The following NDST4 variants were observed in gnomAD, a reference collection of about 807,000 sequenced individuals.
The protein encoded by NDST4 is N-deacetylase and N-sulfotransferase 4, also known as N-heparan sulfate sulfotransferase 4.
NDST4 carries 63 observed loss-of-function variants against 100.8 expected under a neutral mutation model. The observed-to-expected ratio is 0.62, with a 90% CI of 0.51 to 0.77. The LOEUF (loss-of-function observed/expected upper bound fraction) is 0.77, where lower values mean the gene tolerates loss of function less well. Ranked by LOEUF, NDST4 falls within the 30% of genes least tolerant of loss-of-function variation. NDST4 has a pLI of 0.00. For synonymous variants in NDST4, 377 were observed against 361.8 expected, an observed-to-expected ratio of 1.04 and a Z score of -0.48; for missense variants, 943 against 1,018.4, an observed-to-expected ratio of 0.93 and a Z score of 1.01.
chr4:114,909,793 C>T (rs1314088661), intron 6 of NDST4, among the ~76,000 whole-genome samples: 1 of 150,692 alleles, frequency 6.6e-6, no homozygotes, highest in Non-Finnish European at 1.5e-5. Context: ...TTAATAAAGA[C>T]AATTTTATGG....
intron 6 of NDST4, among the ~76,000 whole-genome samples, chr4:114,919,756 G>T (rs571454140): frequency 1.3e-5 from 2 of 152,166 alleles, no homozygotes; most frequent in Non-Finnish European, 2.9e-5. Context: ...AACTGCTCTA[G>T]GGATAATGGA....
intron 1 of NDST4, among the ~76,000 whole-genome samples, chr4:115,111,062 C>G (rs2110348266): frequency 6.6e-6 from 1 of 152,066 alleles, no homozygotes; most frequent in Admixed American, 6.6e-5. Flanking sequence ...ATGCTTCTCT[C>G]TTCTCCCTTA....
At chr4:114,914,057 A>G (rs1247611043) in intron 6 of NDST4, among the ~76,000 whole-genome samples, 1 of 151,974 alleles carries the variant, frequency 6.6e-6, no homozygotes, top group Non-Finnish European at 1.5e-5. Context: ...GGAGGTCATT[A>G]TGCTGAGTGA....
rs190031281 is a variant in NDST4 at position 115,097,448 on chromosome 4, G to A, written c.-247+15996C>T. ...TCTCTTTCTCTCTATCTCTATTGGG[G>A]CTGGCCATTGACTCCTCTCTTTCTT... On this transcript the variant is annotated intron_variant, in intron 1 of 13. Transcript: ENST00000264363. Among the ~76,000 whole-genome samples, 11 of 151,996 alleles carry A rather than the reference G, an allele frequency of 7.2e-5. No homozygotes were observed. In the East Asian group the frequency reaches 1.9e-3, roughly 27 times the overall value.
At position 115,093,428 on chromosome 4, in the gene NDST4, T is replaced by C. The variant is rs546768447; in HGVS notation, c.-246-16146A>G. Among the ~76,000 whole-genome samples the C allele has an allele frequency of 5.3e-5, 8 of 151,896 alleles. No individual in the cohort carries two copies. In the South Asian group the frequency reaches 1.5e-3, roughly 28 times the overall value. ...AGGCAGAGCTTGTAGTGAGCTGAGA[T>C]AGCGCCACTGCACTCCAGCCTGGGT... On this transcript the variant is annotated intron_variant, in intron 1 of 13. Transcript: ENST00000264363.
chr4:114,954,253 T>C (rs79639264), intron 4 of NDST4, among the ~76,000 whole-genome samples: 2 of 152,158 alleles, frequency 1.3e-5, no homozygotes, highest in African/African-American at 2.4e-5. Flanking sequence ...CCAGATATAA[T>C]AGATTCTTTT....
chr4:114,857,294 T>G (rs1014743586), intron 7 of NDST4, among the ~76,000 whole-genome samples: 1 of 152,188 alleles, frequency 6.6e-6, no homozygotes, highest in African/African-American at 2.4e-5. Context: ...GTCACTAATG[T>G]GATCAAGTGG....
chr4:115,001,325 G>C (rs1727284855), intron 2 of NDST4, among the ~76,000 whole-genome samples: 1 of 152,064 alleles, frequency 6.6e-6, no homozygotes, highest in African/African-American at 2.4e-5. Flanking sequence ...TCCTAGGTAT[G>C]TAATTATTCA....
At chr4:115,089,912 T>C (rs1241183836) in intron 1 of NDST4, among the ~76,000 whole-genome samples, 2 of 151,854 alleles carry the variant, frequency 1.3e-5, no homozygotes, top group African/African-American at 4.8e-5. Context: ...ATCTGGATTA[T>C]ATTAATATTG....
chr4:115,086,035 GCAC>G (rs1177161258), intron 1 of NDST4, among the ~76,000 whole-genome samples: 1 of 152,116 alleles, frequency 6.6e-6, no homozygotes, highest in African/African-American at 2.4e-5. Flanking sequence ...TGTTTGAGGA[GCAC>G]TACTCAGTAG....
chr4:114,983,701 G>A (rs1726832485), intron 2 of NDST4, among the ~76,000 whole-genome samples: 3 of 152,202 alleles, frequency 2.0e-5, no homozygotes, highest in African/African-American at 7.2e-5. Flanking sequence ...TGTTGGAAAG[G>A]CATGACTGTA....
chr4:114,983,189 C>A (rs1054541625), intron 2 of NDST4, among the ~76,000 whole-genome samples: 1 of 152,196 alleles, frequency 6.6e-6, no homozygotes, highest in Non-Finnish European at 1.5e-5. Flanking sequence ...CAAATCCCCA[C>A]TGGGGCACTG....
At chr4:115,102,687 C>A (rs573268582) in intron 1 of NDST4, among the ~76,000 whole-genome samples, 1 of 141,672 alleles carries the variant, frequency 7.1e-6, no homozygotes, top group East Asian at 2.1e-4. Context: ...ATTTATATAC[C>A]ATATACTTCT....
chr4:114,970,445 G>C lies in NDST4; in HGVS notation c.1206C>G (p.Asn402Lys). 3 of 1,613,506 alleles carry C rather than the reference G, an allele frequency of 1.9e-6. No individual in the cohort carries two copies. The highest frequency in any genetic ancestry group is 2.5e-6 in the Non-Finnish European group (3 of 1,179,662). The change falls in exon 4 of 14, where the codon AAC becomes AAG. Residue 402 changes from asparagine (N) to lysine (K), a missense_variant. Coordinates refer to ENST00000264363, the MANE Select transcript of NDST4 (RefSeq NM_022569.3). ...ATGTGCTCACCAGTGCAAATTCCTT[G>C]TTGAGAATCATCTGCTCTACTAAAG... is the stretch of plus-strand genomic sequence containing the variant. ...ESSLVEQMILNKEFALEHGIP... is the reference protein window; with the variant it reads ...ESSLVEQMILKKEFALEHGIP...
In NDST4 at chr4:115,095,996, TTACAC is replaced by T. The variant is rs375356691; in HGVS notation, c.-247+17443_-247+17447del. ...TCTTTAAGTCATTTATCCTTTAACT[TTACAC>T]TCTCTCTCTCATGGCCTCACAATCC... On this transcript the variant is annotated intron_variant, in intron 1 of 13. Transcript: ENST00000264363. 3.6e-3 allele frequency among the ~76,000 whole-genome samples: 541 copies of T among 152,036 alleles called. 6 individuals are homozygous for T. The highest frequency in any genetic ancestry group is 0.012 in the African/African-American group (513 of 41,522).
rs560770129 is a variant in NDST4, at chr4:114,847,868, T to C, written c.1940+347A>G. Reference sequence around the variant, plus strand: ...ACTGATTTATTTGTTGCCTGAAACATTGTTGCGAAGACAAATTATGTGTTG... The same window carrying C: ...ACTGATTTATTTGTTGCCTGAAACACTGTTGCGAAGACAAATTATGTGTTG... On this transcript the variant is annotated intron_variant, in intron 9 of 13. Transcript: ENST00000264363. 6.2e-4 allele frequency among the ~76,000 whole-genome samples: 94 copies of C among 152,314 alleles called. 1 individual carries two copies. The highest frequency in any genetic ancestry group is 6.8e-3 in the Middle Eastern group (2 of 294).
intron 6 of NDST4, 62 bp from the exon 7 acceptor site, chr4:114,871,012 C>T: frequency 1.5e-6 from 2 of 1,320,536 alleles, no homozygotes; most frequent in Non-Finnish European, 2.1e-6. Flanking sequence ...AGTAGCAGTA[C>T]AAGCCCCAGG....
At chr4:114,990,995 G>C (rs1193017824) in intron 2 of NDST4, among the ~76,000 whole-genome samples, 1 of 151,992 alleles carries the variant, frequency 6.6e-6, no homozygotes, top group Non-Finnish European at 1.5e-5. Context: ...ATTATTTGCT[G>C]TCTTCTGAGA....
At chr4:115,075,259 A>G (rs1172689423) in intron 2 of NDST4, among the ~76,000 whole-genome samples, 1 of 152,190 alleles carries the variant, frequency 6.6e-6, no homozygotes. Context: ...ATATCTGAAC[A>G]TTTCATATGA....
Sources: allele counts gnomAD v4.1 joint callset (sites outside exome capture counted in the v4.1 genomes callset), GRCh38; gene constraint gnomAD v4.1.1; transcripts MANE v1.5; gene names NCBI Gene and HGNC (gene_info 2026-07-23, HGNC 2026-07-21).